Variants in SPAST observed in about 807,000 individuals in gnomAD.
SPAST encodes the protein spastin.
Under a neutral mutation model 76.6 loss-of-function variants are expected in SPAST, and 30 were observed. The ratio of observed to expected loss-of-function variants is 0.39; its 90% CI spans 0.29 to 0.53. SPAST has a LOEUF of 0.53. Ranked by LOEUF, SPAST falls within the 20% of genes least tolerant of loss-of-function variation. The pLI is 0.68. For synonymous variants in SPAST, 305 were observed against 281.0 expected (o/e 1.09, Z -0.86); for missense variants, 717 against 770.5 (o/e 0.93, Z 0.82).
rs556464887 is a variant in SPAST at position 32,101,144 on chromosome 2, A to G, written c.682+2253A>G. On this transcript the variant is annotated intron_variant, in intron 4 of 16. Coordinates refer to ENST00000315285, the MANE Select transcript of SPAST (RefSeq NM_014946.4). ...CCTGTTGTTTCCTGAGTTTTTAATG[A>G]TCGCCATTCTAACTGGTGTGAGACG... is the stretch of plus-strand genomic sequence containing the variant. 4.6e-5 allele frequency among the ~76,000 whole-genome samples: 7 copies of G among 152,242 alleles called. No homozygotes were observed. The South Asian group carries it at 6.2e-4, about 14-fold the overall frequency.
rs1363856430 is a variant in SPAST at position 32,155,141 on chromosome 2, CCAAA to C, written c.*648_*651del. On this transcript the variant is annotated 3_prime_UTR_variant, in exon 17 of 17. Transcript: ENST00000315285. ...CTTTTATTTTTCTATTACCTTGCTA[CCAAA>C]CAGTTTAGATAGCAATATAATAGCA... 1 of 152,946 alleles carries C rather than the reference CCAAA, an allele frequency of 6.5e-6. No individual in the cohort carries two copies. Among genetic ancestry groups the C allele is most frequent in the African/African-American group, 2.4e-5 (1 of 41,382 alleles). The allele number at this position is 152,946 out of a possible 1,614,324, so 9.5% of individuals were successfully genotyped here. A position where few individuals can be genotyped will look rare whatever the true frequency, so the allele number is the denominator to read the frequency against.
At chr2:32,105,655 C>G (rs998718067) in intron 4 of SPAST, among the ~76,000 whole-genome samples, 1 of 152,080 alleles carries the variant, frequency 6.6e-6, no homozygotes, top group Admixed American at 6.6e-5. Context: ...GATGTCCTTT[C>G]TGTTTGTTAA....
chr2:32,141,789 C>A (rs906166319), intron 12 of SPAST, 115 bp from the exon 13 acceptor site: 3 of 770,878 alleles, frequency 3.9e-6, no homozygotes, highest in Non-Finnish European at 6.4e-6. Context: ...TTGATAACTA[C>A]CAAAATGCAT....
At chr2:32,087,384 C>T in intron 1 of SPAST, 108 bp from the exon 2 acceptor site, 1 of 646,490 alleles carries the variant, frequency 1.5e-6, no homozygotes, top group Non-Finnish European at 2.8e-6. Context: ...TAATGTTTCT[C>T]AGACTTGTTC....
In SPAST at chr2:32,141,889, G is replaced by C. The variant is rs1175211773; in HGVS notation, c.1494-15G>C. 6.3e-7 allele frequency: 1 copy of C among 1,588,030 alleles called. No homozygotes were observed. Among genetic ancestry groups the C allele is most frequent in the African/African-American group, 1.3e-5 (1 of 74,284 alleles). On this transcript the variant is annotated splice_polypyrimidine_tract_variant and intron_variant, in intron 12 of 16. Transcript: ENST00000315285. ...CAAAATTATATTTCTAAAAGTGCTG[G>C]ATTTTTTTTTTTAGGCGTTTCATCA...
chr2:32,128,727 A>G, intron 9 of SPAST: 1 of 484,632 alleles, frequency 2.1e-6, no homozygotes, highest in Non-Finnish European at 3.7e-6. Context: ...AACATCAGCA[A>G]TTTATTGTCT....
At chr2:32,083,768 ATATATATATTT>A (rs1677355279) in intron 1 of SPAST, among the ~76,000 whole-genome samples, 1 of 51,606 alleles carries the variant, frequency 1.9e-5, no homozygotes, top group African/African-American at 7.5e-5. Flanking sequence ...ATATATATAT[ATATATATATTT>A]TTTTTTTTTT....
At chr2:32,064,333 C>G in intron 1 of SPAST, 87 bp downstream of exon 1, 2 of 1,277,188 alleles carry the variant, frequency 1.6e-6, no homozygotes, top group South Asian at 2.6e-5. Context: ...CGTCCCTTTT[C>G]TGCGGGAGGG....
chr2:32,152,343 G>A (rs1338111154), intron 16 of SPAST, among the ~76,000 whole-genome samples: 3 of 152,072 alleles, frequency 2.0e-5, no homozygotes, highest in Non-Finnish European at 4.4e-5. Context: ...TCAGGCCATT[G>A]GATCCCTTGA....
intron 3 of SPAST, among the ~76,000 whole-genome samples, chr2:32,096,027 A>G (rs1176429817): frequency 1.3e-5 from 2 of 152,220 alleles, no homozygotes; most frequent in Admixed American, 6.5e-5. Flanking sequence ...CACTCAGATG[A>G]CTGTGGGGGT....
At chr2:32,082,629 G>C (rs185827694) in intron 1 of SPAST, among the ~76,000 whole-genome samples, 72 of 152,096 alleles carry the variant, frequency 4.7e-4, no homozygotes, top group African/African-American at 1.7e-3. Context: ...CTGTGAGGCG[G>C]AGGTTCCAGG....
At chr2:32,148,048 T>A (rs192158398) in intron 16 of SPAST, among the ~76,000 whole-genome samples, 29 of 151,328 alleles carry the variant, frequency 1.9e-4, no homozygotes, top group African/African-American at 6.3e-4. Flanking sequence ...TCCTCTTGTC[T>A]CAAACTTTTT....
At chr2:32,134,771 C>T (rs2148752019) in intron 9 of SPAST, among the ~76,000 whole-genome samples, 1 of 152,320 alleles carries the variant, frequency 6.6e-6, no homozygotes, top group East Asian at 1.9e-4. Context: ...TCTCGGCTCA[C>T]TGCAACCTCC....
At chr2:32,135,344 T>C (rs1679502895) in intron 9 of SPAST, among the ~76,000 whole-genome samples, 1 of 151,380 alleles carries the variant, frequency 6.6e-6, no homozygotes, top group Admixed American at 6.6e-5. Flanking sequence ...TTAGCCAGGA[T>C]GGTCTCGATC....
intron 3 of SPAST, among the ~76,000 whole-genome samples, chr2:32,092,975 C>G (rs1677779628): frequency 6.8e-6 from 1 of 148,146 alleles, no homozygotes; most frequent in African/African-American, 2.5e-5. Context: ...CCACTGCACT[C>G]CAGACTGGGT....
In SPAST at chr2:32,063,932, C is replaced by T. The variant is rs771019519; in HGVS notation, c.101C>T (p.Pro34Leu). 3 of 1,601,060 alleles carry T rather than the reference C, an allele frequency of 1.9e-6. No homozygotes were observed. The highest frequency in any genetic ancestry group is 1.7e-5 in the Admixed American group (1 of 58,488). Residue 34 changes from proline to leucine, a missense_variant, in exon 1 of 17, where the codon CCC (proline) becomes CTC (leucine). Pro to Leu is a moderately conservative substitution (Grantham distance 98, BLOSUM62 -3). Coordinates refer to ENST00000315285, the MANE Select transcript of SPAST (RefSeq NM_014946.4). ...PPPPCLAPAP[P>L]AAGPAPPPES... ...CCCCCTTGCCTGGCCCCCGCCCCTC[C>T]CGCCGCCGGGCCGGCCCCTCCGCCC...
In SPAST at chr2:32,116,105, G is replaced by A. The variant is rs760078993; in HGVS notation, c.1005-14G>A. On this transcript the variant is annotated splice_polypyrimidine_tract_variant and intron_variant, in intron 6 of 16. Transcript: ENST00000315285. ...TGTTTGTATCGTAGAACTAACTGAG[G>A]TCTTGTTTCTTAGTGGAACAGCTGT... 1.9e-6 allele frequency: 3 copies of A among 1,590,922 alleles called. No homozygotes were observed. The highest frequency in any genetic ancestry group is 4.5e-5 in the East Asian group (2 of 44,674).
chr2:32,091,740 A>C (rs1270745474), intron 3 of SPAST, among the ~76,000 whole-genome samples: 2 of 151,892 alleles, frequency 1.3e-5, no homozygotes, highest in East Asian at 3.9e-4. Flanking sequence ...AGGCTGAGGC[A>C]GGAGAATGGC....
chr2:32,092,216 G>C (rs1677751145), intron 3 of SPAST, among the ~76,000 whole-genome samples: 1 of 152,174 alleles, frequency 6.6e-6, no homozygotes, highest in South Asian at 2.1e-4. Context: ...GTGTTCCCTG[G>C]CTTCTGTGGC....
Sources: gnomAD v4.1 joint callset for allele counts (sites outside exome capture counted in the v4.1 genomes callset) on GRCh38, gnomAD v4.1.1 for gene constraint, MANE v1.5 for transcripts, NCBI Gene and HGNC (gene_info 2026-07-23, HGNC 2026-07-21) for gene names.